Variants in LDB2 observed in about 807,000 individuals in gnomAD.
LDB2 encodes the protein LIM domain binding 2, also known as LIM domain-binding protein 2.
A neutral mutation model predicts 44.3 loss-of-function variants in LDB2; 12 were observed. That is an observed-to-expected ratio of 0.27 (90% CI 0.17 to 0.44). The LOEUF is 0.44. Among genes scored for constraint, LDB2 ranks in the 20% least tolerant of loss-of-function variants. LDB2 has a pLI of 1.00. For missense variants in LDB2, 344 were observed against 473.5 expected (o/e 0.73, Z 2.54); for synonymous variants, 164 against 174.8 (o/e 0.94, Z 0.49).
At chr4:16,698,993 T>C (rs1183759846) in intron 2 of LDB2, among the ~76,000 whole-genome samples, 1 of 152,214 alleles carries the variant, frequency 6.6e-6, no homozygotes, top group Non-Finnish European at 1.5e-5. Context: ...AGCTAGCATT[T>C]TTCCTTCAGC....
chr4:16,769,036 A>G (rs1003464508), intron 1 of LDB2, among the ~76,000 whole-genome samples: 1 of 152,176 alleles, frequency 6.6e-6, no homozygotes, highest in South Asian at 2.1e-4. Context: ...ATATCTCTAA[A>G]ATATCTGTCT....
At position 16,686,398 on chromosome 4, in the gene LDB2, G is replaced by A. The variant is rs181099548; in HGVS notation, c.235+72760C>T. On this transcript the variant is annotated intron_variant, in intron 2 of 7. Transcript: ENST00000304523. ...TTACTCTCATTCTTACTGATGCAGA[G>A]GCTGAGGTTCCAATGGCTTAAGCAA... Among the ~76,000 whole-genome samples the A allele has an allele frequency of 1.0e-3, 158 of 152,324 alleles. 2 individuals carry two copies. The highest frequency in any genetic ancestry group is 1.3e-4 in the Non-Finnish European group (9 of 68,030).
At chr4:16,742,225 C>A (rs1579250139) in intron 2 of LDB2, among the ~76,000 whole-genome samples, 1 of 152,016 alleles carries the variant, frequency 6.6e-6, no homozygotes, top group Non-Finnish European at 1.5e-5. Flanking sequence ...CCATGTGCCA[C>A]CACACCCAAT....
In LDB2 at chr4:16,898,522, T is replaced by C; in HGVS notation, c.-37A>G. 6.2e-7 allele frequency: 1 copy of C among 1,610,046 alleles called. No homozygotes were observed. The highest frequency in any genetic ancestry group is 8.5e-7 in the Non-Finnish European group (1 of 1,177,832). ...TTCGAAAATCAAGCTAAACAGAGTA[T>C]CAGTAACGTCCATGCAGAGCACATG... is the stretch of plus-strand genomic sequence containing the variant. On this transcript the variant is annotated 5_prime_UTR_variant, in exon 1 of 8. Transcript: ENST00000304523.
rs1580605780 is a variant in LDB2, at chr4:16,898,638, T to G, written c.-153A>C. 2.5e-6 allele frequency: 1 copy of G among 401,440 alleles called. No individual in the cohort carries two copies. Among genetic ancestry groups the G allele is most frequent in the Non-Finnish European group, 4.1e-6 (1 of 241,622 alleles). The allele number at this position is 401,440 out of a possible 1,614,324, so 24.9% of individuals were successfully genotyped here. On this transcript the variant is annotated 5_prime_UTR_variant, in exon 1 of 8. Coordinates refer to ENST00000304523, the MANE Select transcript of LDB2 (RefSeq NM_001290.5). ...AGGCAGGCAGGCTGAACACGCTGGC[T>G]GGGAACTGCTGTCGGAGCCCTCTAT...
chr4:16,642,360 A>T (rs1039665718), intron 2 of LDB2, among the ~76,000 whole-genome samples: 1 of 152,190 alleles, frequency 6.6e-6, no homozygotes, highest in Non-Finnish European at 1.5e-5. Context: ...ATAGCAGGTA[A>T]ACGCACAAAA....
At chr4:16,692,800 CT>C (rs1458272480) in intron 2 of LDB2, among the ~76,000 whole-genome samples, 1 of 152,112 alleles carries the variant, frequency 6.6e-6, no homozygotes, top group Non-Finnish European at 1.5e-5. Flanking sequence ...GTGATTATGG[CT>C]TATTCGCTTT....
intron 2 of LDB2, among the ~76,000 whole-genome samples, chr4:16,599,046 C>T (rs1310959265): frequency 6.6e-6 from 1 of 152,070 alleles, no homozygotes; most frequent in Admixed American, 6.6e-5. Flanking sequence ...AGATATCTGA[C>T]TCTGTGCAAC....
At chr4:16,557,770 G>C (rs2152368051) in intron 5 of LDB2, among the ~76,000 whole-genome samples, 1 of 152,262 alleles carries the variant, frequency 6.6e-6, no homozygotes, top group African/African-American at 2.4e-5. Flanking sequence ...TCCTCAAGTG[G>C]GTCCCTGACC....
chr4:16,553,824 C>T (rs1040898490), intron 5 of LDB2, among the ~76,000 whole-genome samples: 16 of 152,030 alleles, frequency 1.1e-4, no homozygotes, highest in African/African-American at 3.9e-4. Flanking sequence ...CACTAGTATC[C>T]CCATTTTATA....
At chr4:16,839,993 C>T (rs1246792497) in intron 1 of LDB2, among the ~76,000 whole-genome samples, 1 of 152,166 alleles carries the variant, frequency 6.6e-6, no homozygotes, top group Non-Finnish European at 1.5e-5. Context: ...TGGCTGAAAA[C>T]AGCCTAAAGG....
intron 1 of LDB2, among the ~76,000 whole-genome samples, chr4:16,866,112 G>A (rs576266745): frequency 2.6e-5 from 4 of 152,310 alleles, no homozygotes; most frequent in South Asian, 4.1e-4. Flanking sequence ...TGTGATAAGA[G>A]CTGGGACCTG....
At chr4:16,637,573 G>A (rs1378340632) in intron 2 of LDB2, among the ~76,000 whole-genome samples, 1 of 151,950 alleles carries the variant, frequency 6.6e-6, no homozygotes, top group Non-Finnish European at 1.5e-5. Context: ...TCAACAACAA[G>A]CAGATGTTGC....
At chr4:16,896,071 T>C (rs1335541543) in intron 1 of LDB2, among the ~76,000 whole-genome samples, 2 of 152,124 alleles carry the variant, frequency 1.3e-5, no homozygotes, top group African/African-American at 4.8e-5. Context: ...TTTGAAAAAT[T>C]ATCTAATTAA....
rs16893815 is a variant in LDB2, at chr4:16,697,016, G to A, written c.235+62142C>T. The stretch of plus-strand genomic sequence containing the variant: ...TGGGGAGGGGACAGAATATGGAAAT[G>A]GTAACTTGGAGTCTCCACAGACATC... On this transcript the variant is annotated intron_variant, in intron 2 of 7. Transcript: ENST00000304523. Among the ~76,000 whole-genome samples the A allele has an allele frequency of 3.9e-4, 60 of 152,154 alleles. 2 individuals are homozygous for A. The East Asian group carries it at 0.011, about 28-fold the overall frequency.
intron 2 of LDB2, among the ~76,000 whole-genome samples, chr4:16,730,019 C>T (rs147911551): frequency 2.0e-5 from 3 of 152,280 alleles, no homozygotes; most frequent in East Asian, 3.9e-4. Context: ...ACATTTTTCT[C>T]ATGCTAAAAA....
At chr4:16,755,050 G>A (rs2109147608) in intron 2 of LDB2, among the ~76,000 whole-genome samples, 1 of 152,242 alleles carries the variant, frequency 6.6e-6, no homozygotes, top group East Asian at 1.9e-4. Flanking sequence ...CGAATGAGAT[G>A]TGAACCACGT....
chr4:16,685,814 C>T lies in LDB2; in HGVS notation c.235+73344G>A, dbSNP rs573399168. On this transcript the variant is annotated intron_variant, in intron 2 of 7. Transcript: ENST00000304523. ...CTGTAATCCCAGCACTTTTGGAGGC[C>T]GAGTCAGGTGAATCATTTGAGGTCA... Among the ~76,000 whole-genome samples the T allele has an allele frequency of 7.2e-5, 11 of 152,096 alleles. No individual in the cohort carries two copies. In the South Asian group the frequency reaches 1.0e-3, roughly 14 times the overall value.
intron 2 of LDB2, among the ~76,000 whole-genome samples, chr4:16,630,924 C>T (rs1422722719): frequency 1.3e-5 from 2 of 152,202 alleles, no homozygotes; most frequent in East Asian, 3.9e-4. Context: ...ACGGGAGCAC[C>T]CAGATTCATA....
Sources: gnomAD v4.1 joint callset for allele counts (sites outside exome capture counted in the v4.1 genomes callset) on GRCh38, gnomAD v4.1.1 for gene constraint, MANE v1.5 for transcripts, NCBI Gene and HGNC (gene_info 2026-07-23, HGNC 2026-07-21) for gene names.